Variants in ZNF385D observed in about 807,000 individuals in gnomAD.
The protein encoded by ZNF385D is zinc finger protein 385D.
In ZNF385D, 15 loss-of-function variants were observed where a neutral mutation model predicts 35.8. The ratio of observed to expected loss-of-function variants is 0.42; its 90% CI spans 0.28 to 0.64. The LOEUF is 0.64. Among genes scored for constraint, ZNF385D ranks in the 30% least tolerant of loss-of-function variants. The pLI is 0.23. For missense variants in ZNF385D, 474 were observed against 494.6 expected (o/e 0.96, Z 0.39); for synonymous variants, 212 against 186.8 (o/e 1.13, Z -1.10).
intron 4 of ZNF385D, among the ~76,000 whole-genome samples, chr3:21,464,937 C>T (rs1863091): frequency 0.26 from 39,589 of 151,956 alleles, 6,064 homozygotes; most frequent in East Asian, 0.54. Context: ...GGGGTGCAGA[C>T]AGAGGAATCC....
intron 2 of ZNF385D, among the ~76,000 whole-genome samples, chr3:22,219,054 A>C (rs1229839376): frequency 1.3e-5 from 2 of 152,144 alleles, no homozygotes; most frequent in African/African-American, 4.8e-5. Context: ...CTTAAACTAC[A>C]AAGAAGGCAA....
chr3:22,048,664 G>C (rs1309887375), intron 3 of ZNF385D, among the ~76,000 whole-genome samples: 1 of 152,116 alleles, frequency 6.6e-6, no homozygotes, highest in Non-Finnish European at 1.5e-5. Context: ...AGTCAATTTT[G>C]AAATCAGGTA....
rs78741906 is a variant in ZNF385D at position 21,784,075 on chromosome 3, G to A, written c.326-119047C>T. On this transcript the variant is annotated intron_variant, in intron 3 of 5. Transcript: ENST00000494108. Reference sequence around the variant, plus strand: ...CAGGCAGTCAGGTTCTCTCACACACGTGCTTATCAGTCTCCTGTAAGAAGT... The same window carrying A: ...CAGGCAGTCAGGTTCTCTCACACACATGCTTATCAGTCTCCTGTAAGAAGT... 7.4e-4 allele frequency among the ~76,000 whole-genome samples: 113 copies of A among 152,172 alleles called. No individual in the cohort carries two copies. The East Asian group carries it at 0.015, about 20-fold the overall frequency.
intron 4 of ZNF385D, among the ~76,000 whole-genome samples, chr3:21,466,213 G>A (rs1703506433): frequency 6.6e-6 from 1 of 152,016 alleles, no homozygotes; most frequent in South Asian, 2.1e-4. Context: ...ACATTTTGTA[G>A]AACAAAATCT....
intron 2 of ZNF385D, among the ~76,000 whole-genome samples, chr3:22,236,145 C>T (rs1240283370): frequency 1.3e-5 from 2 of 151,660 alleles, no homozygotes; most frequent in Non-Finnish European, 2.9e-5. Context: ...GCAATTTTTG[C>T]AAAAATCATG....
intron 3 of ZNF385D, among the ~76,000 whole-genome samples, chr3:22,151,910 G>A (rs1705264336): frequency 6.6e-6 from 1 of 152,012 alleles, no homozygotes; most frequent in South Asian, 2.1e-4. Context: ...TAGGTAAACT[G>A]GGCAACATAG....
chr3:22,284,129 A>T (rs775310260), intron 2 of ZNF385D, among the ~76,000 whole-genome samples: 2 of 152,122 alleles, frequency 1.3e-5, no homozygotes, highest in Non-Finnish European at 2.9e-5. Flanking sequence ...CCACCAATAA[A>T]AAGGAATCAA....
chr3:22,112,847 A>C (rs1009000828), intron 3 of ZNF385D, among the ~76,000 whole-genome samples: 1 of 151,968 alleles, frequency 6.6e-6, no homozygotes, highest in African/African-American at 2.4e-5. Flanking sequence ...ATGGGGGGGA[A>C]AAAAAACAGA....
chr3:22,136,037 G>A (rs1421458779), intron 3 of ZNF385D, among the ~76,000 whole-genome samples: 1 of 152,126 alleles, frequency 6.6e-6, no homozygotes, highest in African/African-American at 2.4e-5. Context: ...AGAAGAGAAA[G>A]TCTTGTGACC....
At chr3:21,476,111 CTTTT>C (rs1270905439) in intron 4 of ZNF385D, among the ~76,000 whole-genome samples, 1 of 152,134 alleles carries the variant, frequency 6.6e-6, no homozygotes, top group East Asian at 1.9e-4. Context: ...CAGTATTAGA[CTTTT>C]AAACAATTGA....
At chr3:22,288,899 T>A (rs548662763) in intron 2 of ZNF385D, among the ~76,000 whole-genome samples, 52 of 152,246 alleles carry the variant, frequency 3.4e-4, no homozygotes, top group African/African-American at 1.1e-3. Flanking sequence ...GATCCTAAAG[T>A]GCCTCTCAAA....
rs142883628 is a variant in ZNF385D, at chr3:22,292,798, C to G, written c.106+79652G>C. ...TTATTTGCCATTGACTTCTTATCTA[C>G]TTATATTACTTTCTGGGGGCAAAAT... On this transcript the variant is annotated intron_variant, in intron 2 of 5. Transcript: ENST00000494108. Among the ~76,000 whole-genome samples the G allele has an allele frequency of 1.6e-3, 246 of 152,114 alleles. 1 individual carries two copies. The highest frequency in any genetic ancestry group is 5.5e-3 in the African/African-American group (228 of 41,514).
At chr3:22,033,379 G>A (rs967355020) in intron 3 of ZNF385D, among the ~76,000 whole-genome samples, 4 of 149,240 alleles carry the variant, frequency 2.7e-5, no homozygotes, top group Admixed American at 1.3e-4. Flanking sequence ...TCCAACCTGG[G>A]TGACAGAGCA....
rs115133649 is a variant in ZNF385D, at chr3:22,099,704, G to A, written c.325+69113C>T. The stretch of plus-strand genomic sequence containing the variant: ...CTTGCAGCAGACCCTGAAGCATGGC[G>A]GGGATACCAATAGAAGGATGGAGCG... On this transcript the variant is annotated intron_variant, in intron 3 of 5. Coordinates refer to the ZNF385D transcript ENST00000494108. Among the ~76,000 whole-genome samples, 797 of 152,056 alleles carry A rather than the reference G, an allele frequency of 5.2e-3. 4 individuals are homozygous for A. The highest frequency in any genetic ancestry group is 0.018 in the African/African-American group (767 of 41,524).
intron 2 of ZNF385D, among the ~76,000 whole-genome samples, chr3:21,647,073 A>C (rs971819085): frequency 7.2e-5 from 11 of 152,228 alleles, no homozygotes; most frequent in Admixed American, 1.3e-4. Flanking sequence ...TAGGATTTTT[A>C]ATATTATATT....
At chr3:21,956,110 C>T (rs969677086) in intron 3 of ZNF385D, among the ~76,000 whole-genome samples, 1 of 151,764 alleles carries the variant, frequency 6.6e-6, no homozygotes, top group Non-Finnish European at 1.5e-5. Flanking sequence ...CTGCTTGAGC[C>T]CAGGAGATAG....
rs1030251802 is a variant in ZNF385D, at chr3:22,193,662, T to A, written c.107-24627A>T. On this transcript the variant is annotated intron_variant, in intron 2 of 5. Coordinates refer to the ZNF385D transcript ENST00000494108. ...CTTCTGGATTAGTGTTCCATGAAAC[T>A]TTAGGAATGAGTTCAATATTCTATT... 2.0e-5 allele frequency among the ~76,000 whole-genome samples: 3 copies of A among 152,006 alleles called. No individual in the cohort carries two copies. The South Asian group carries it at 6.2e-4, about 31-fold the overall frequency.
At position 21,885,499 on chromosome 3, in the gene ZNF385D, G is replaced by A. The variant is rs188550754; in HGVS notation, c.326-220471C>T. Among the ~76,000 whole-genome samples, 375 of 151,966 alleles carry A rather than the reference G, an allele frequency of 2.5e-3. 2 individuals are homozygous for A. Among genetic ancestry groups the A allele is most frequent in the African/African-American group, 8.5e-3 (353 of 41,488 alleles). On this transcript the variant is annotated intron_variant, in intron 3 of 5. Transcript: ENST00000494108. ...TTTTACTGGGAAAAGAGCAAATGGA[G>A]ATATAACTCCATTTGTCAAATCATG... is the stretch of plus-strand genomic sequence containing the variant.
chr3:22,184,093 G>A (rs1258401944), intron 2 of ZNF385D, among the ~76,000 whole-genome samples: 1 of 152,000 alleles, frequency 6.6e-6, no homozygotes, highest in East Asian at 1.9e-4. Flanking sequence ...TTACAGTAGT[G>A]GTACAAAAAG....
Sources: gnomAD v4.1 joint callset for allele counts (sites outside exome capture counted in the v4.1 genomes callset) on GRCh38, gnomAD v4.1.1 for gene constraint, MANE v1.5 for transcripts, NCBI Gene and HGNC (gene_info 2026-07-23, HGNC 2026-07-21) for gene names.